Variants in FOXP2 observed in about 807,000 individuals in gnomAD.
FOXP2 encodes forkhead box protein P2.
A neutral mutation model predicts 115.8 loss-of-function variants in FOXP2; 12 were observed. That is an observed-to-expected ratio of 0.10 (90% CI 0.07 to 0.17). The LOEUF (loss-of-function observed/expected upper bound fraction) is 0.17. FOXP2 is among the 10% of genes least tolerant of loss of function. FOXP2 has a pLI of 1.00. For synonymous variants in FOXP2, 328 were observed against 297.7 expected (o/e 1.10, Z -1.05); for missense variants, 629 against 843.5 (o/e 0.75, Z 3.15).
intron 3 of FOXP2, among the ~76,000 whole-genome samples, chr7:114,588,413 A>AT (rs1802261465): frequency 6.6e-6 from 1 of 152,196 alleles, no homozygotes; most frequent in South Asian, 2.1e-4. Flanking sequence ...CTCCGAAATG[A>AT]TAAGAAGTAG....
At chr7:114,607,405 C>A (rs1803389367) in intron 3 of FOXP2, among the ~76,000 whole-genome samples, 1 of 152,004 alleles carries the variant, frequency 6.6e-6, no homozygotes, top group Middle Eastern at 3.2e-3. Context: ...TTGACATATT[C>A]AATAGGATTC....
intron 1 of FOXP2, among the ~76,000 whole-genome samples, chr7:114,221,829 T>C (rs1240315367): frequency 6.6e-6 from 1 of 152,196 alleles, no homozygotes; most frequent in African/African-American, 2.4e-5. Flanking sequence ...GCTCTATTGA[T>C]AGAACTCTAG....
At chr7:114,319,358 A>G (rs1327302828) in intron 2 of FOXP2, among the ~76,000 whole-genome samples, 1 of 152,206 alleles carries the variant, frequency 6.6e-6, no homozygotes, top group Non-Finnish European at 1.5e-5. Context: ...ACACCACCAC[A>G]ATAGAAAAAC....
At chr7:114,356,400 A>T (rs1791618325) in intron 2 of FOXP2, among the ~76,000 whole-genome samples, 1 of 152,210 alleles carries the variant, frequency 6.6e-6, no homozygotes, top group Non-Finnish European at 1.5e-5. Context: ...GGGTCAAGCC[A>T]GATGGTAAGG....
intron 2 of FOXP2, among the ~76,000 whole-genome samples, chr7:114,452,742 CT>C (rs1191988350): frequency 3.3e-5 from 5 of 152,058 alleles, no homozygotes; most frequent in African/African-American, 9.7e-5. Flanking sequence ...TGTGTGTCAT[CT>C]TGCTGATATG....
chr7:114,155,410 A>G (rs990840080), intron 1 of FOXP2, among the ~76,000 whole-genome samples: 2 of 152,152 alleles, frequency 1.3e-5, no homozygotes, highest in African/African-American at 4.8e-5. Flanking sequence ...CTAGTATAGC[A>G]TCACATGACA....
At chr7:114,293,624 A>G (rs1418333248) in intron 2 of FOXP2, among the ~76,000 whole-genome samples, 1 of 152,176 alleles carries the variant, frequency 6.6e-6, no homozygotes, top group African/African-American at 2.4e-5. Context: ...TAAGTGAATC[A>G]TGGGGCAGTT....
chr7:114,222,591 T>C (rs924169982), intron 1 of FOXP2, among the ~76,000 whole-genome samples: 1 of 152,230 alleles, frequency 6.6e-6, no homozygotes, highest in Non-Finnish European at 1.5e-5. Flanking sequence ...TGTGGTTTGC[T>C]GATAGTCTAA....
intron 1 of FOXP2, among the ~76,000 whole-genome samples, chr7:114,251,471 G>C (rs558987083): frequency 5.3e-5 from 8 of 151,844 alleles, no homozygotes; most frequent in East Asian, 3.9e-4. Context: ...CTTTTATTTC[G>C]TTGAGCAGTG....
chr7:114,592,140 A>G (rs970390010), intron 3 of FOXP2, among the ~76,000 whole-genome samples: 1 of 152,122 alleles, frequency 6.6e-6, no homozygotes, highest in Non-Finnish European at 1.5e-5. Context: ...ATTTCTCTAC[A>G]TTAAAAATGC....
chr7:114,423,043 G>T (rs1466217618), intron 1 of FOXP2, among the ~76,000 whole-genome samples: 1 of 151,718 alleles, frequency 6.6e-6, no homozygotes, highest in Non-Finnish European at 1.5e-5. Flanking sequence ...AAGTGGTTGT[G>T]CACGCTTTAT....
intron 2 of FOXP2, among the ~76,000 whole-genome samples, chr7:114,374,409 A>T (rs1464912639): frequency 2.0e-5 from 3 of 152,200 alleles, no homozygotes; most frequent in East Asian, 3.8e-4. Flanking sequence ...CTTTCTAGGT[A>T]TTCATTTTTT....
At chr7:114,683,760 T>TC (rs1808215482) in intron 16 of FOXP2, among the ~76,000 whole-genome samples, 1 of 152,144 alleles carries the variant, frequency 6.6e-6, no homozygotes, top group Non-Finnish European at 1.5e-5. Flanking sequence ...GAAAAATGTC[T>TC]TGGAGTAGGA....
chr7:114,194,173 A>G (rs752122654), intron 1 of FOXP2, among the ~76,000 whole-genome samples: 1 of 152,134 alleles, frequency 6.6e-6, no homozygotes, highest in Non-Finnish European at 1.5e-5. Context: ...TTAATTTACA[A>G]CTGCTTTTAT....
At chr7:114,552,177 G>A (rs754998399) in intron 3 of FOXP2, among the ~76,000 whole-genome samples, 1 of 152,186 alleles carries the variant, frequency 6.6e-6, no homozygotes, top group African/African-American at 2.4e-5. Flanking sequence ...TGAGATTGAT[G>A]TTTAGGGTAT....
At chr7:114,507,641 G>C (rs1261872689) in intron 2 of FOXP2, among the ~76,000 whole-genome samples, 1 of 151,880 alleles carries the variant, frequency 6.6e-6, no homozygotes, top group African/African-American at 2.4e-5. Flanking sequence ...AATAATATTG[G>C]CTTGTCCTTT....
chr7:114,552,746 T>C (rs1800272024), intron 3 of FOXP2, among the ~76,000 whole-genome samples: 1 of 152,164 alleles, frequency 6.6e-6, no homozygotes, highest in South Asian at 2.1e-4. Context: ...CTTATCTGTT[T>C]AGAGTACTTT....
intron 1 of FOXP2, among the ~76,000 whole-genome samples, chr7:114,202,273 C>T (rs1032539837): frequency 3.3e-5 from 5 of 152,154 alleles, no homozygotes; most frequent in African/African-American, 9.7e-5. Flanking sequence ...CCCTTACATC[C>T]TCTCTGTATG....
chr7:114,258,777 G>A (rs895401091), intron 1 of FOXP2, among the ~76,000 whole-genome samples: 9 of 152,164 alleles, frequency 5.9e-5, no homozygotes, highest in African/African-American at 2.2e-4. Context: ...GAAACATTAA[G>A]TAGTAGACAA....
Sources: gnomAD v4.1 joint callset for allele counts (sites outside exome capture counted in the v4.1 genomes callset) on GRCh38, gnomAD v4.1.1 for gene constraint, MANE v1.5 for transcripts, NCBI Gene and HGNC (gene_info 2026-07-23, HGNC 2026-07-21) for gene names.